NPIPA1: variants seen among roughly 807,000 people sequenced by gnomAD.
NPIPA1 encodes nuclear pore complex interacting protein family member A1, also known as nuclear pore complex-interacting protein family member A1.
For synonymous variants in NPIPA1, 7 were observed against 88.0 expected (o/e 0.08, Z 5.15); for missense variants, 22 against 232.2 (o/e 0.09, Z 5.88).
At chr16:14,940,409 A>G in intron 1 of NPIPA1, among the ~76,000 whole-genome samples, 1 of 152,160 alleles carries the variant, frequency 6.6e-6, no homozygotes, top group East Asian at 1.9e-4. Flanking sequence ...ACAAATAACT[A>G]AAGAAAAGAT....
At chr16:14,938,041 C>G in intron 1 of NPIPA1, among the ~76,000 whole-genome samples, 2 of 136,806 alleles carry the variant, frequency 1.5e-5, no homozygotes. Flanking sequence ...CAACAGCCCC[C>G]TTCTCCTCCT....
At chr16:14,941,354 G>C (rs1965748730) in intron 1 of NPIPA1, among the ~76,000 whole-genome samples, 1 of 139,444 alleles carries the variant, frequency 7.2e-6, no homozygotes, top group Admixed American at 7.3e-5. Flanking sequence ...AGAATGGCTT[G>C]AGCCCAGGAG....
Position 14,943,869 on chromosome 16 carries a change from C to T in NPIPA1, c.193-1705C>T, listed in dbSNP as rs1298844891. 2.6e-5 allele frequency among the ~76,000 whole-genome samples: 4 copies of T among 151,624 alleles called. No homozygotes were observed. In the East Asian group the frequency reaches 6.0e-4, roughly 23 times the overall value. ...AGAATTTGAAAGATATTATTTCAGG[C>T]CAGGTGTGGTGGCTCATGCCTGTAA... is the stretch of plus-strand genomic sequence containing the variant. On this transcript the variant is annotated intron_variant, in intron 2 of 7. Transcript: ENST00000328085.
chr16:14,944,851 G>A (rs1188593742), intron 2 of NPIPA1, among the ~76,000 whole-genome samples: 10 of 151,126 alleles, frequency 6.6e-5, no homozygotes, highest in South Asian at 2.1e-4. Flanking sequence ...TGATTCACCC[G>A]CCTCGGCCTC....
intron 1 of NPIPA1, among the ~76,000 whole-genome samples, chr16:14,940,386 A>G (rs1272283996): frequency 6.6e-6 from 1 of 152,304 alleles, no homozygotes; most frequent in South Asian, 2.1e-4. Flanking sequence ...AATGTTATAC[A>G]TCAATTTAAA....
intron 2 of NPIPA1, among the ~76,000 whole-genome samples, chr16:14,945,234 G>T (rs1965856249): frequency 7.0e-6 from 1 of 143,464 alleles, no homozygotes; most frequent in Non-Finnish European, 1.5e-5. Flanking sequence ...TGTGGTGTGT[G>T]TGTGTGTGTG....
At chr16:14,943,150 T>G (rs1255933537) in intron 2 of NPIPA1, among the ~76,000 whole-genome samples, 3 of 151,958 alleles carry the variant, frequency 2.0e-5, no homozygotes, top group Admixed American at 2.0e-4. Context: ...GAAGCTTTTT[T>G]TTTTTTTTTT....
At chr16:14,948,321 C>T (rs1175999366) in intron 4 of NPIPA1, among the ~76,000 whole-genome samples, 1 of 152,372 alleles carries the variant, frequency 6.6e-6, no homozygotes, top group African/African-American at 2.4e-5. Flanking sequence ...TAGATGCACC[C>T]AGCATTCAGA....
At chr16:14,946,764 G>A (rs1412051525) in intron 4 of NPIPA1, among the ~76,000 whole-genome samples, 1 of 143,180 alleles carries the variant, frequency 7.0e-6, no homozygotes, top group African/African-American at 2.6e-5. Context: ...GCATGATCTT[G>A]GCTCACTGCA....
intron 2 of NPIPA1, among the ~76,000 whole-genome samples, chr16:14,944,807 T>C (rs1231007684): frequency 2.7e-5 from 4 of 150,570 alleles, no homozygotes; most frequent in African/African-American, 9.6e-5. Flanking sequence ...GGTTTCACCA[T>C]GTTGCCCAGG....
At chr16:14,941,637 A>T (rs1429644353) in intron 1 of NPIPA1, 175 bp from the exon 2 acceptor site, 2 of 82,340 alleles carry the variant, frequency 2.4e-5, no homozygotes, top group Non-Finnish European at 4.1e-5. Flanking sequence ...CCATCTGAAA[A>T]ACATGAGACT....
intron 2 of NPIPA1, among the ~76,000 whole-genome samples, chr16:14,944,216 G>A (rs1162001833): frequency 1.3e-5 from 2 of 152,180 alleles, no homozygotes; most frequent in Non-Finnish European, 2.9e-5. Context: ...GATGGGATTT[G>A]CATTGCATTT....
At chr16:14,943,882 C>G (rs1368446767) in intron 2 of NPIPA1, among the ~76,000 whole-genome samples, 1 of 150,844 alleles carries the variant, frequency 6.6e-6, no homozygotes, top group African/African-American at 2.4e-5. Context: ...GGTGTGGTGG[C>G]TCATGCCTGT....
chr16:14,938,763 G>A (rs1456378531), intron 1 of NPIPA1, among the ~76,000 whole-genome samples: 2 of 152,018 alleles, frequency 1.3e-5, no homozygotes, highest in African/African-American at 4.8e-5. Flanking sequence ...TTTTAAGACA[G>A]AGTCTCATTC....
chr16:14,941,081 G>C (rs1338219639), intron 1 of NPIPA1, among the ~76,000 whole-genome samples: 5 of 149,810 alleles, frequency 3.3e-5, no homozygotes, highest in Non-Finnish European at 7.4e-5. Context: ...TGAGCCGAGA[G>C]CACACCACTG....
chr16:14,943,161 T>C (rs1486987109), intron 2 of NPIPA1, among the ~76,000 whole-genome samples: 3 of 148,614 alleles, frequency 2.0e-5, no homozygotes, highest in Non-Finnish European at 3.0e-5. Context: ...TTTTTTTTTT[T>C]CTTTTCTCAC....
chr16:14,938,576 C>T (rs1409185428), intron 1 of NPIPA1, among the ~76,000 whole-genome samples: 11 of 133,152 alleles, frequency 8.3e-5, no homozygotes, highest in African/African-American at 2.6e-4. Context: ...GTGGTGCGTA[C>T]CTGTTATCCC....
At chr16:14,941,469 T>C (rs1965752700) in intron 1 of NPIPA1, 1 of 243,342 alleles carries the variant, frequency 4.1e-6, no homozygotes, top group Non-Finnish European at 7.6e-6. Context: ...TTTTTTTTTT[T>C]AGATCATCAG....
At position 14,938,069 on chromosome 16, in the gene NPIPA1, CCCCCTTCCCCT is replaced by C. The variant is rs1327232379; in HGVS notation, c.63+580_63+590del. ...CTCCTCCTTTCCCTTCCCTTACTTC[CCCCCTTCCCCT>C]CCCCTTCCCCTCCCCCTCCCCTCCC... On this transcript the variant is annotated intron_variant, in intron 1 of 7. Transcript: ENST00000328085. The C allele has an allele frequency of 3.3e-3, 1,118 of 341,492 alleles. 1 individual carries two copies. The highest frequency in any genetic ancestry group is 3.9e-3 in the Non-Finnish European group (751 of 191,850). 21.2% of individuals were successfully genotyped at this position (341,492 alleles called of 1,614,324 possible).
Sources: allele counts gnomAD v4.1 joint callset (sites outside exome capture counted in the v4.1 genomes callset), GRCh38; gene constraint gnomAD v4.1.1; transcripts MANE v1.5; gene names NCBI Gene and HGNC (gene_info 2026-07-23, HGNC 2026-07-21).